ST7L: variants seen among roughly 807,000 people sequenced by gnomAD.
The protein encoded by ST7L is suppression of tumorigenicity 7 like.
In ST7L, 57 loss-of-function variants were observed where a neutral mutation model predicts 72.5. The observed-to-expected ratio is 0.79, with a 90% CI of 0.64 to 0.98. ST7L has a LOEUF of 0.98. Ranked by LOEUF, ST7L falls within the 50% of genes least tolerant of loss-of-function variation. The pLI, the probability that ST7L is intolerant of heterozygous loss-of-function variation, is 0.00. For missense variants in ST7L, 576 were observed against 672.2 expected, an observed-to-expected ratio of 0.86 and a Z score of 1.58; for synonymous variants, 221 against 240.9, an observed-to-expected ratio of 0.92 and a Z score of 0.77.
intron 11 of ST7L, among the ~76,000 whole-genome samples, chr1:112,576,029 C>T (rs1180741645): frequency 2.6e-5 from 4 of 152,104 alleles, no homozygotes; most frequent in Admixed American, 6.6e-5. Context: ...AATTACTTTC[C>T]GTAGTAAGGG....
chr1:112,600,083 T>G (rs1255920957), intron 4 of ST7L, among the ~76,000 whole-genome samples: 2 of 152,096 alleles, frequency 1.3e-5, no homozygotes, highest in Admixed American at 1.3e-4. Flanking sequence ...TCTTGTCGCC[T>G]GGGCTGGAGT....
chr1:112,556,985 C>CAAAAAAAAAAAA (rs1196828305), intron 11 of ST7L, among the ~76,000 whole-genome samples: 2 of 82,128 alleles, frequency 2.4e-5, no homozygotes, highest in East Asian at 3.9e-4. Context: ...AAAAAAAAAA[C>CAAAAAAAAAAAA]AAAAAAAAAA....
Position 112,566,412 on chromosome 1 carries a change from C to T in ST7L, c.1246-10394G>A, listed in dbSNP as rs370278711. The stretch of plus-strand genomic sequence containing the variant: ...TCCTGGGTTCAAGTGATTCTCCTGC[C>T]TCAGCCTCCCAAGTAGCTGGGACTA... On this transcript the variant is annotated intron_variant, in intron 11 of 14. Transcript: ENST00000358039. Among the ~76,000 whole-genome samples the T allele has an allele frequency of 3.5e-4, 53 of 150,708 alleles. 1 individual carries two copies. In the South Asian group the frequency reaches 0.011, roughly 30 times the overall value.
chr1:112,537,373 TGTCA>T (rs1247445951), intron 14 of ST7L, among the ~76,000 whole-genome samples: 2 of 152,240 alleles, frequency 1.3e-5, no homozygotes, highest in Admixed American at 6.5e-5. Context: ...AGTCTGAGTT[TGTCA>T]GTAAGTTAGT....
At chr1:112,590,904 A>G (rs1200441924) in intron 6 of ST7L, among the ~76,000 whole-genome samples, 7 of 151,642 alleles carry the variant, frequency 4.6e-5, no homozygotes, top group Admixed American at 3.9e-4. Flanking sequence ...AAACAGGTGC[A>G]TAAATACATT....
chr1:112,539,803 G>A, intron 14 of ST7L: 2 of 985,296 alleles, frequency 2.0e-6, no homozygotes, highest in Non-Finnish European at 2.4e-6. Context: ...TAAATACTTA[G>A]CTTTTAGGGT....
At chr1:112,607,084 T>A (rs992601220) in intron 3 of ST7L, 1 of 152,236 alleles carries the variant, frequency 6.6e-6, no homozygotes. Context: ...AGTCCACATT[T>A]AAACAAAGGC....
chr1:112,524,949 G>A lies in ST7L; in HGVS notation c.*1064C>T. On this transcript the variant is annotated 3_prime_UTR_variant, in exon 15 of 15. Transcript: ENST00000358039. ...ATCTACAAAGTCACATTACCAACCT[G>A]CAGGCAACTCTTTGGTTTGGGGACC... is the stretch of plus-strand genomic sequence containing the variant. 6.6e-6 allele frequency: 1 copy of A among 152,362 alleles called. No homozygotes were observed. 9.4% of individuals were successfully genotyped at this position (152,362 alleles called of 1,614,324 possible).
chr1:112,556,985 C>CAAAAAAAAAAAAAAA (rs1196828305), intron 11 of ST7L, among the ~76,000 whole-genome samples: 5 of 82,108 alleles, frequency 6.1e-5, no homozygotes, highest in Non-Finnish European at 9.2e-5. Flanking sequence ...AAAAAAAAAA[C>CAAAAAAAAAAAAAAA]AAAAAAAAAA....
At chr1:112,541,453 C>G (rs1174596569) in intron 14 of ST7L, among the ~76,000 whole-genome samples, 1 of 152,086 alleles carries the variant, frequency 6.6e-6, no homozygotes, top group East Asian at 1.9e-4. Context: ...CAAGCAGACA[C>G]AATAACTTGG....
chr1:112,557,239 C>T (rs574138090), intron 11 of ST7L, among the ~76,000 whole-genome samples: 1 of 152,060 alleles, frequency 6.6e-6, no homozygotes, highest in African/African-American at 2.4e-5. Flanking sequence ...CCTTTAGTTA[C>T]AACTCACTTC....
chr1:112,609,493 T>G (rs990353247), intron 3 of ST7L, among the ~76,000 whole-genome samples: 1 of 148,704 alleles, frequency 6.7e-6, no homozygotes, highest in Non-Finnish European at 1.5e-5. Flanking sequence ...ATTGCACCAC[T>G]GCACTCTAGC....
intron 11 of ST7L, chr1:112,571,458 G>T: frequency 3.6e-6 from 1 of 279,470 alleles, no homozygotes; most frequent in South Asian, 3.4e-5. Flanking sequence ...ACAGAGTTTC[G>T]CTCTTGTTGC....
At chr1:112,572,117 G>T (rs1662238161) in intron 11 of ST7L, among the ~76,000 whole-genome samples, 1 of 152,196 alleles carries the variant, frequency 6.6e-6, no homozygotes, top group South Asian at 2.1e-4. Context: ...ATTTTAAAAA[G>T]AATCATGTCT....
chr1:112,576,973 T>C lies in ST7L; in HGVS notation c.1245+13A>G. ...TTAAATAAAGGTAGTATTTTTATCA[T>C]AAAATTTCTCACTTTTGGAACATGA... is the stretch of plus-strand genomic sequence containing the variant. On this transcript the variant is annotated intron_variant, in intron 11 of 14. Coordinates refer to ENST00000358039, the MANE Select transcript of ST7L (RefSeq NM_017744.5). 1 of 1,569,556 alleles carries C rather than the reference T, an allele frequency of 6.4e-7. No individual in the cohort carries two copies. Among genetic ancestry groups the C allele is most frequent in the South Asian group, 1.2e-5 (1 of 85,396 alleles).
At chr1:112,568,905 A>C (rs1029069548) in intron 11 of ST7L, among the ~76,000 whole-genome samples, 12 of 146,414 alleles carry the variant, frequency 8.2e-5, no homozygotes, top group African/African-American at 3.0e-4. Flanking sequence ...AAATTTAAAA[A>C]TATGCAACTT....
intron 2 of ST7L, 96 bp from the exon 3 acceptor site, chr1:112,611,099 C>A: frequency 1.7e-6 from 2 of 1,183,278 alleles, no homozygotes; most frequent in East Asian, 2.7e-5. Context: ...TTCAATTCAG[C>A]ATTTTAAATG....
chr1:112,552,575 T>C (rs1165348257), intron 12 of ST7L, among the ~76,000 whole-genome samples: 1 of 152,144 alleles, frequency 6.6e-6, no homozygotes, highest in Non-Finnish European at 1.5e-5. Flanking sequence ...CGGCTAATTT[T>C]GTATTTTTAG....
Position 112,582,112 on chromosome 1 carries a change from T to A in ST7L, c.955-6A>T, listed in dbSNP as rs753703436. ...GGAGGAAATTCTTTCATCAACTGTA[T>A]ATTAAAAGGAAAAGAAAGATTAAAA... is the stretch of plus-strand genomic sequence containing the variant. On this transcript the variant is annotated splice_polypyrimidine_tract_variant and splice_region_variant and intron_variant, in intron 8 of 14. Transcript: ENST00000358039. 6.4e-7 allele frequency: 1 copy of A among 1,561,572 alleles called. No individual in the cohort carries two copies. The highest frequency in any genetic ancestry group is 2.2e-5 in the East Asian group (1 of 44,492).
Sources: gnomAD v4.1 joint callset for allele counts (sites outside exome capture counted in the v4.1 genomes callset) on GRCh38, gnomAD v4.1.1 for gene constraint, MANE v1.5 for transcripts, NCBI Gene and HGNC (gene_info 2026-07-23, HGNC 2026-07-21) for gene names.